The following SORCS3 variants were observed in gnomAD, a reference collection of about 807,000 sequenced individuals.
SORCS3 encodes the protein VPS10 domain-containing receptor SorCS3.
Under a neutral mutation model 146.3 loss-of-function variants are expected in SORCS3, and 57 were observed. That is an observed-to-expected ratio of 0.39 (90% CI 0.31 to 0.49). The LOEUF (loss-of-function observed/expected upper bound fraction) is 0.49, where lower values mean the gene tolerates loss of function less well. Ranked by LOEUF, SORCS3 falls within the 20% of genes least tolerant of loss-of-function variation. The pLI is 0.92. For missense variants in SORCS3, 1,341 were observed against 1,575.5 expected, an observed-to-expected ratio of 0.85 and a Z score of 2.52; for synonymous variants, 653 against 618.5, an observed-to-expected ratio of 1.06 and a Z score of -0.83.
At position 104,667,726 on chromosome 10, in the gene SORCS3, G is replaced by A. The variant is rs139729242; in HGVS notation, c.627+25772G>A. Among the ~76,000 whole-genome samples, 610 of 152,284 alleles carry A rather than the reference G, an allele frequency of 4.0e-3. 2 individuals are homozygous for A. The highest frequency in any genetic ancestry group is 6.9e-3 in the Non-Finnish European group (470 of 68,024). On this transcript the variant is annotated intron_variant, in intron 1 of 26. Coordinates refer to ENST00000369701, the MANE Select transcript of SORCS3 (RefSeq NM_014978.3). ...TGTGTTGTTCTACAGCTTGTTTGTC[G>A]TTGTTTGCATAGGTTCATTATGATT...
chr10:105,025,980 A>T (rs1034551351), intron 4 of SORCS3, among the ~76,000 whole-genome samples: 10 of 152,146 alleles, frequency 6.6e-5, no homozygotes, highest in Admixed American at 6.5e-4. Flanking sequence ...CTGCGGGCTC[A>T]AAATCAGGAA....
At chr10:104,696,634 TTA>T (rs2016210756) in intron 1 of SORCS3, among the ~76,000 whole-genome samples, 1 of 79,796 alleles carries the variant, frequency 1.3e-5, no homozygotes, top group Non-Finnish European at 2.3e-5. Flanking sequence ...TACGTATATA[TTA>T]TATATAATAT....
At chr10:105,174,851 C>T (rs1241457573) in intron 13 of SORCS3, among the ~76,000 whole-genome samples, 3 of 152,064 alleles carry the variant, frequency 2.0e-5, no homozygotes, top group African/African-American at 4.8e-5. Context: ...TTAGCTTTGC[C>T]TTGGAGGTCG....
chr10:105,187,286 A>G (rs1267197547), intron 14 of SORCS3, among the ~76,000 whole-genome samples: 2 of 151,908 alleles, frequency 1.3e-5, no homozygotes, highest in Admixed American at 1.3e-4. Context: ...CAATCATTGT[A>G]TTGTGTAACT....
chr10:104,987,969 GCT>G (rs548820006), intron 4 of SORCS3, among the ~76,000 whole-genome samples: 93 of 152,262 alleles, frequency 6.1e-4, no homozygotes, highest in Non-Finnish European at 1.1e-3. Context: ...ACGTATAGCT[GCT>G]CCTTGGAAAT....
chr10:104,644,684 G>T (rs1049268355), intron 1 of SORCS3, among the ~76,000 whole-genome samples: 1 of 152,186 alleles, frequency 6.6e-6, no homozygotes, highest in Non-Finnish European at 1.5e-5. Flanking sequence ...CGTGGAAAGA[G>T]AATTTTATCT....
intron 14 of SORCS3, among the ~76,000 whole-genome samples, chr10:105,191,507 A>G (rs1219754634): frequency 6.6e-6 from 1 of 152,188 alleles, no homozygotes; most frequent in African/African-American, 2.4e-5. Flanking sequence ...GATAAACCTC[A>G]CTTAGAAACC....
intron 1 of SORCS3, among the ~76,000 whole-genome samples, chr10:104,671,052 A>G (rs2015844990): frequency 1.3e-5 from 2 of 151,438 alleles, no homozygotes; most frequent in Admixed American, 1.3e-4. Flanking sequence ...CTTTTTTTAA[A>G]CTTTAAGTGT....
intron 1 of SORCS3, among the ~76,000 whole-genome samples, chr10:104,736,887 C>T (rs990151186): frequency 8.6e-5 from 13 of 151,812 alleles, no homozygotes; most frequent in Admixed American, 3.3e-4. Context: ...CCCATTAACT[C>T]GTCATTTAGC....
intron 1 of SORCS3, among the ~76,000 whole-genome samples, chr10:104,772,422 C>G (rs1205694269): frequency 2.0e-5 from 3 of 152,188 alleles, no homozygotes; most frequent in Admixed American, 1.3e-4. Flanking sequence ...TGATTAAGTT[C>G]AGGAAAGGAG....
chr10:105,253,202 C>CAGAG (rs34171763), intron 23 of SORCS3, among the ~76,000 whole-genome samples: 54 of 149,976 alleles, frequency 3.6e-4, no homozygotes, highest in South Asian at 3.6e-3. Flanking sequence ...AGGGGAGCAG[C>CAGAG]AGAGAGAGAG....
At chr10:104,787,899 C>T (rs971200451) in intron 1 of SORCS3, among the ~76,000 whole-genome samples, 4 of 152,298 alleles carry the variant, frequency 2.6e-5, no homozygotes, top group South Asian at 4.2e-4. Flanking sequence ...ACAGGGCTTA[C>T]AATTGCAGAT....
intron 5 of SORCS3, among the ~76,000 whole-genome samples, chr10:105,050,689 C>T (rs991080530): frequency 2.6e-5 from 4 of 152,068 alleles, no homozygotes; most frequent in Admixed American, 6.6e-5. Context: ...TGAGACAATA[C>T]GTATTTGTTG....
intron 22 of SORCS3, among the ~76,000 whole-genome samples, chr10:105,249,689 T>G (rs2056887748): frequency 6.6e-6 from 1 of 152,084 alleles, no homozygotes; most frequent in African/African-American, 2.4e-5. Context: ...GAGACCACCC[T>G]GGGCAACACA....
intron 4 of SORCS3, among the ~76,000 whole-genome samples, chr10:104,985,276 C>T (rs1232127181): frequency 6.6e-6 from 1 of 152,148 alleles, no homozygotes; most frequent in Non-Finnish European, 1.5e-5. Context: ...GAGTAGATTC[C>T]ATCTCAAGAA....
At chr10:105,201,093 T>C (rs1280074874) in intron 15 of SORCS3, 27 bp from the exon 16 acceptor site, 11 of 1,607,644 alleles carry the variant, frequency 6.8e-6, no homozygotes, top group Non-Finnish European at 9.3e-6. Context: ...TTTTTCTGTC[T>C]CTCACACTAT....
intron 1 of SORCS3, among the ~76,000 whole-genome samples, chr10:104,658,950 G>T (rs1049003185): frequency 1.3e-5 from 2 of 151,930 alleles, no homozygotes; most frequent in Non-Finnish European, 2.9e-5. Context: ...ATGAAATGGT[G>T]TAAGTCGGTC....
intron 7 of SORCS3, among the ~76,000 whole-genome samples, chr10:105,137,507 C>A (rs1034177): frequency 0.023 from 3,481 of 148,196 alleles, 101 homozygotes; most frequent in East Asian, 0.15. Flanking sequence ...AAAAAAAAAA[C>A]CCCACCTTTC....
At chr10:104,708,687 C>A (rs1268930467) in intron 1 of SORCS3, among the ~76,000 whole-genome samples, 1 of 152,106 alleles carries the variant, frequency 6.6e-6, no homozygotes, top group Non-Finnish European at 1.5e-5. Flanking sequence ...TTTCTTCCCC[C>A]CCATCATCAG....
Sources: allele counts gnomAD v4.1 joint callset (sites outside exome capture counted in the v4.1 genomes callset), GRCh38; gene constraint gnomAD v4.1.1; transcripts MANE v1.5; gene names NCBI Gene and HGNC (gene_info 2026-07-23, HGNC 2026-07-21).